Variants in SUGCT observed in about 807,000 individuals in gnomAD.
SUGCT encodes succinyl-CoA:glutarate CoA-transferase.
SUGCT carries 41 observed loss-of-function variants against 55.0 expected under a neutral mutation model. That is an observed-to-expected ratio of 0.74 (90% CI 0.58 to 0.97). The LOEUF is 0.97. Ranked by LOEUF, SUGCT falls within the 50% of genes least tolerant of loss-of-function variation. The pLI is 0.00. For missense variants in SUGCT, 568 were observed against 547.8 expected, an observed-to-expected ratio of 1.04 and a Z score of -0.37; for synonymous variants, 187 against 200.4, an observed-to-expected ratio of 0.93 and a Z score of 0.56.
intron 7 of SUGCT, among the ~76,000 whole-genome samples, chr7:40,244,274 T>C (rs767501283): frequency 6.6e-6 from 1 of 152,150 alleles, no homozygotes; most frequent in Admixed American, 6.5e-5. Context: ...CCTGGAAAGA[T>C]AGATAGAATG....
intron 12 of SUGCT, among the ~76,000 whole-genome samples, chr7:40,532,528 G>GTC (rs749494254): frequency 8.8e-6 from 1 of 113,400 alleles, no homozygotes; most frequent in Admixed American, 8.8e-5. Context: ...AAGTATGTCT[G>GTC]TGTGTGTGTG....
chr7:40,165,835 G>A (rs1238228980), intron 1 of SUGCT, among the ~76,000 whole-genome samples: 1 of 152,128 alleles, frequency 6.6e-6, no homozygotes, highest in African/African-American at 2.4e-5. Context: ...ACAATTGCAG[G>A]CCAGGTGTGG....
At chr7:40,360,854 T>C (rs533471094) in intron 9 of SUGCT, among the ~76,000 whole-genome samples, 1 of 152,200 alleles carries the variant, frequency 6.6e-6, no homozygotes, top group East Asian at 1.9e-4. Flanking sequence ...TAATAAAATT[T>C]TGACAATAGT....
At chr7:40,211,567 CT>C (rs1562580287) in intron 6 of SUGCT, among the ~76,000 whole-genome samples, 1 of 152,116 alleles carries the variant, frequency 6.6e-6, no homozygotes, top group African/African-American at 2.4e-5. Context: ...TGAATATAAG[CT>C]TTTTGATCCA....
chr7:40,900,616 A>G, the SUGCT span, among the ~76,000 whole-genome samples: 3 of 152,186 alleles, frequency 2.0e-5, no homozygotes, highest in South Asian at 4.1e-4. Context: ...GGGAGTGTCA[A>G]TAGCTAGTGA....
intron 7 of SUGCT, among the ~76,000 whole-genome samples, chr7:40,257,093 G>A (rs1288983293): frequency 6.6e-6 from 1 of 151,924 alleles, no homozygotes; most frequent in African/African-American, 2.4e-5. Flanking sequence ...CGTCCAGGCT[G>A]GAGTGCAGTG....
chr7:40,741,788 A>C (rs1010405105), intron 12 of SUGCT, among the ~76,000 whole-genome samples: 4 of 152,222 alleles, frequency 2.6e-5, no homozygotes, highest in Admixed American at 2.0e-4. Flanking sequence ...GAATGGGTGA[A>C]TCTCAGAAAC....
At chr7:40,409,520 G>A (rs949353608) in intron 9 of SUGCT, among the ~76,000 whole-genome samples, 9 of 151,742 alleles carry the variant, frequency 5.9e-5, no homozygotes, top group African/African-American at 2.2e-4. Context: ...TTGGCCTTCC[G>A]AAGTGCTGGG....
chr7:40,958,503 A>T, the SUGCT span, among the ~76,000 whole-genome samples: 3 of 151,022 alleles, frequency 2.0e-5, no homozygotes, highest in African/African-American at 7.3e-5. Context: ...TGTGTTTTTC[A>T]CCTCCATCAG....
At position 40,249,315 on chromosome 7, in the gene SUGCT, A is replaced by ATCTATATC. The variant is rs1314961773; in HGVS notation, c.576+11590_576+11591insCTATATCT. Reference sequence around the variant, plus strand: ...TTAAAACAAAAAACACCAAAAAGCTATATATATATATATATATATATATAT... The same window carrying ATCTATATC: ...TTAAAACAAAAAACACCAAAAAGCTATCTATATCTATATATATATATATATATATATAT... On this transcript the variant is annotated intron_variant, in intron 7 of 13. Coordinates refer to ENST00000335693, the MANE Select transcript of SUGCT (RefSeq NM_001193313.2). Among the ~76,000 whole-genome samples, 296 of 33,482 alleles carry ATCTATATC rather than the reference A, an allele frequency of 8.8e-3. 5 individuals carry two copies. Among genetic ancestry groups the ATCTATATC allele is most frequent in the South Asian group, 0.016 (16 of 992 alleles). 22.0% of individuals were successfully genotyped at this position (33,482 alleles called of 152,430 possible).
At chr7:40,435,189 A>G (rs969523325) in intron 9 of SUGCT, among the ~76,000 whole-genome samples, 3 of 152,206 alleles carry the variant, frequency 2.0e-5, no homozygotes, top group Admixed American at 1.3e-4. Context: ...ACTTTTGGCC[A>G]TGGTAAGAAG....
chr7:40,632,302 C>T (rs1034167766), intron 12 of SUGCT, among the ~76,000 whole-genome samples: 9 of 151,934 alleles, frequency 5.9e-5, no homozygotes, highest in East Asian at 5.8e-4. Flanking sequence ...GTAAGAATTA[C>T]GGCCTTAGAC....
intron 12 of SUGCT, among the ~76,000 whole-genome samples, chr7:40,671,521 G>A (rs543368006): frequency 6.6e-6 from 1 of 152,200 alleles, no homozygotes; most frequent in South Asian, 2.1e-4. Context: ...ACAAGTTAGG[G>A]GGTGCATGTT....
intron 9 of SUGCT, among the ~76,000 whole-genome samples, chr7:40,375,305 T>C (rs1784488971): frequency 2.0e-5 from 3 of 152,182 alleles, no homozygotes; most frequent in South Asian, 4.1e-4. Context: ...TCAAGTTTCT[T>C]TGTGTATGTA....
At chr7:41,033,607 GATGGGAGGTATGCATGC>G in the SUGCT span, among the ~76,000 whole-genome samples, 1 of 152,164 alleles carries the variant, frequency 6.6e-6, no homozygotes, top group Admixed American at 6.5e-5. Context: ...GGAGGGAGGG[GATGGGAGGTATGCATGC>G]AAATGTGCAC....
At chr7:40,888,923 G>C in the SUGCT span, among the ~76,000 whole-genome samples, 93 of 152,332 alleles carry the variant, frequency 6.1e-4, 1 homozygote, top group Admixed American at 2.9e-3. Flanking sequence ...GCTCAGCTAG[G>C]CTGGCTCTGC....
chr7:40,992,041 T>C, the SUGCT span, among the ~76,000 whole-genome samples: 2 of 152,022 alleles, frequency 1.3e-5, no homozygotes, highest in African/African-American at 2.4e-5. Context: ...AGCAAGTTTA[T>C]TAAGCAAGTA....
chr7:40,823,681 C>G (rs1429223109), intron 13 of SUGCT, among the ~76,000 whole-genome samples: 1 of 152,038 alleles, frequency 6.6e-6, no homozygotes, highest in Non-Finnish European at 1.5e-5. Context: ...ACTTTTCTTT[C>G]CTTTCCTCTT....
chr7:40,524,034 G>C (rs1793687299), intron 12 of SUGCT, among the ~76,000 whole-genome samples: 2 of 151,918 alleles, frequency 1.3e-5, no homozygotes, highest in Non-Finnish European at 2.9e-5. Flanking sequence ...TCTTTCTATA[G>C]TAGCATGGTA....
Sources: allele counts gnomAD v4.1 joint callset (sites outside exome capture counted in the v4.1 genomes callset), GRCh38; gene constraint gnomAD v4.1.1; transcripts MANE v1.5; gene names NCBI Gene and HGNC (gene_info 2026-07-23, HGNC 2026-07-21).